Variants in LINGO2 observed in about 807,000 individuals in gnomAD.
LINGO2 encodes leucine-rich repeat and immunoglobulin-like domain-containing nogo receptor-interacting protein 2.
Under a neutral mutation model 30.6 loss-of-function variants are expected in LINGO2, and 14 were observed. The ratio of observed to expected loss-of-function variants is 0.46; its 90% CI spans 0.30 to 0.72. The LOEUF is 0.72. Ranked by LOEUF, LINGO2 falls within the 30% of genes least tolerant of loss-of-function variation. The pLI, the probability that LINGO2 is intolerant of heterozygous loss-of-function variation, is 0.07. For missense variants in LINGO2, 729 were observed against 751.7 expected (o/e 0.97, Z 0.35); for synonymous variants, 317 against 288.5 (o/e 1.10, Z -1.00).
At chr9:29,090,656 C>A in the LINGO2 span, among the ~76,000 whole-genome samples, 110 of 152,056 alleles carry the variant, frequency 7.2e-4, no homozygotes, top group Non-Finnish European at 1.4e-3. Context: ...AAAACCAATT[C>A]TTGTTATGAT....
chr9:28,641,549 T>C (rs1001125398), intron 1 of LINGO2, among the ~76,000 whole-genome samples: 1 of 152,140 alleles, frequency 6.6e-6, no homozygotes, highest in Admixed American at 6.5e-5. Context: ...AGACCCAACA[T>C]AGATTGAGCA....
chr9:29,031,840 G>A, the LINGO2 span, among the ~76,000 whole-genome samples: 3 of 151,948 alleles, frequency 2.0e-5, no homozygotes, highest in Non-Finnish European at 4.4e-5. Flanking sequence ...AGCATCTTTG[G>A]GATACATAAA....
chr9:28,497,365 C>G (rs1041784696), intron 1 of LINGO2, among the ~76,000 whole-genome samples: 1 of 152,124 alleles, frequency 6.6e-6, no homozygotes, highest in Admixed American at 6.6e-5. Context: ...TTTCTTTTTA[C>G]TCTTTTTTCT....
At chr9:28,327,577 T>TCC (rs1825274921) in intron 3 of LINGO2, among the ~76,000 whole-genome samples, 1 of 152,200 alleles carries the variant, frequency 6.6e-6, no homozygotes, top group African/African-American at 2.4e-5. Context: ...TAGGCCATAT[T>TCC]CCCTTTACAG....
At chr9:28,847,771 GTATA>G in the LINGO2 span, among the ~76,000 whole-genome samples, 4 of 34,440 alleles carry the variant, frequency 1.2e-4, 1 homozygote, top group East Asian at 1.3e-3. Flanking sequence ...ACACATATGT[GTATA>G]TATAGTATAT....
the LINGO2 span, among the ~76,000 whole-genome samples, chr9:29,009,797 A>C: frequency 6.6e-6 from 1 of 152,282 alleles, no homozygotes; most frequent in Non-Finnish European, 1.5e-5. Flanking sequence ...AGGCTACAGT[A>C]ATCAAAAAAG....
intron 2 of LINGO2, among the ~76,000 whole-genome samples, chr9:28,394,625 CTT>C (rs1821969734): frequency 1.3e-5 from 2 of 152,140 alleles, no homozygotes; most frequent in Non-Finnish European, 2.9e-5. Context: ...CCCTTGATGT[CTT>C]TTGTTTTCTA....
intron 4 of LINGO2, chr9:28,080,588 G>GT (rs1825746089): frequency 6.6e-6 from 1 of 152,192 alleles, no homozygotes; most frequent in South Asian, 2.1e-4. Context: ...ACCAAAGCAA[G>GT]TATCACCATG....
chr9:29,165,868 T>C, the LINGO2 span, among the ~76,000 whole-genome samples: 1 of 152,250 alleles, frequency 6.6e-6, no homozygotes, highest in South Asian at 2.1e-4. Flanking sequence ...TCTGATTTTC[T>C]TCACAAGAAT....
At chr9:27,998,771 A>T (rs1040872376) in intron 5 of LINGO2, among the ~76,000 whole-genome samples, 5 of 152,154 alleles carry the variant, frequency 3.3e-5, no homozygotes, top group South Asian at 2.1e-4. Context: ...ATCCTGGGTG[A>T]TAGAGGGAGA....
At chr9:28,558,342 G>A (rs1822861752) in intron 1 of LINGO2, among the ~76,000 whole-genome samples, 2 of 151,900 alleles carry the variant, frequency 1.3e-5, no homozygotes, top group Non-Finnish European at 2.9e-5. Flanking sequence ...TGGCTGCCTG[G>A]GTTCTGCTGT....
chr9:28,040,939 T>C (rs1452353), intron 4 of LINGO2, among the ~76,000 whole-genome samples: 9,657 of 152,234 alleles, frequency 0.063, 444 homozygotes, highest in Admixed American at 0.11. Context: ...TAGTATATAT[T>C]CTACCCAGGA....
In LINGO2 at chr9:28,534,405, A is replaced by G. The variant is rs75343688; in HGVS notation, c.-364-58380T>C. ...TATAGAGCATGCACTGTTTTTACTG[A>G]AAACACATTGGGGTCATTCCCAGGA... is the stretch of plus-strand genomic sequence containing the variant. On this transcript the variant is annotated intron_variant, in intron 1 of 5. Transcript: ENST00000379992. 9.5e-3 allele frequency among the ~76,000 whole-genome samples: 1,444 copies of G among 152,260 alleles called. 36 individuals carry two copies. Among genetic ancestry groups the G allele is most frequent in the East Asian group, 0.094 (485 of 5,162 alleles).
intron 2 of LINGO2, among the ~76,000 whole-genome samples, chr9:28,391,104 T>A (rs925262049): frequency 6.6e-6 from 1 of 152,216 alleles, no homozygotes; most frequent in Admixed American, 6.5e-5. Flanking sequence ...ATTGACCTAT[T>A]AGCTTAAATC....
chr9:28,048,032 AACTTAC>A (rs1241896877), intron 4 of LINGO2, among the ~76,000 whole-genome samples: 1 of 150,810 alleles, frequency 6.6e-6, no homozygotes, highest in South Asian at 2.1e-4. Flanking sequence ...TTAGACATTA[AACTTAC>A]AAAGAAGTTT....
intron 5 of LINGO2, among the ~76,000 whole-genome samples, chr9:27,981,990 A>G (rs563758658): frequency 6.6e-6 from 1 of 151,976 alleles, no homozygotes; most frequent in Admixed American, 6.6e-5. Context: ...TATACTTCAT[A>G]TATGGGGCAG....
chr9:28,522,564 C>T (rs758632031), intron 1 of LINGO2, among the ~76,000 whole-genome samples: 1 of 152,088 alleles, frequency 6.6e-6, no homozygotes, highest in Non-Finnish European at 1.5e-5. Flanking sequence ...TTCTAAGGAA[C>T]TTTCTTCTAA....
At chr9:28,859,066 T>C in the LINGO2 span, among the ~76,000 whole-genome samples, 1 of 152,084 alleles carries the variant, frequency 6.6e-6, no homozygotes, top group African/African-American at 2.4e-5. Flanking sequence ...AGAAATTAAA[T>C]GTCATGATAC....
chr9:28,856,469 A>G, the LINGO2 span, among the ~76,000 whole-genome samples: 1 of 152,022 alleles, frequency 6.6e-6, no homozygotes, highest in Non-Finnish European at 1.5e-5. Context: ...ATCAGAGAGG[A>G]CTTATCTGGA....
Sources: allele counts gnomAD v4.1 joint callset (sites outside exome capture counted in the v4.1 genomes callset), GRCh38; gene constraint gnomAD v4.1.1; transcripts MANE v1.5; gene names NCBI Gene and HGNC (gene_info 2026-07-23, HGNC 2026-07-21).